INPP4B: variants seen among roughly 807,000 people sequenced by gnomAD.
The protein encoded by INPP4B is inositol polyphosphate-4-phosphatase type II B, also known as inositol polyphosphate 4-phosphatase type II.
A neutral mutation model predicts 122.5 loss-of-function variants in INPP4B; 55 were observed. That is an observed-to-expected ratio of 0.45 (90% CI 0.36 to 0.56). The LOEUF (loss-of-function observed/expected upper bound fraction) is 0.56, where lower values mean the gene tolerates loss of function less well. Among genes scored for constraint, INPP4B ranks in the 20% least tolerant of loss-of-function variants. The pLI, the probability that INPP4B is intolerant of heterozygous loss-of-function variation, is 0.00. For synonymous variants in INPP4B, 403 were observed against 388.7 expected, an observed-to-expected ratio of 1.04 and a Z score of -0.43; for missense variants, 1,000 against 1,097.7, an observed-to-expected ratio of 0.91 and a Z score of 1.26.
intron 7 of INPP4B, among the ~76,000 whole-genome samples, chr4:142,381,755 T>C (rs1794177181): frequency 6.6e-6 from 1 of 152,114 alleles, no homozygotes; most frequent in Admixed American, 6.6e-5. Flanking sequence ...ATTATTTTCT[T>C]CTAGAAGGAT....
chr4:142,258,448 T>C (rs1737725459), intron 11 of INPP4B, among the ~76,000 whole-genome samples: 1 of 152,120 alleles, frequency 6.6e-6, no homozygotes, highest in Non-Finnish European at 1.5e-5. Flanking sequence ...TTTCGCAACC[T>C]ACTCATCTGA....
chr4:142,796,032 AT>A (rs1478272079), intron 1 of INPP4B, among the ~76,000 whole-genome samples: 1 of 151,986 alleles, frequency 6.6e-6, no homozygotes, highest in Non-Finnish European at 1.5e-5. Flanking sequence ...TTTTACATCC[AT>A]TCCTCCTAAA....
At chr4:142,434,116 T>G (rs886893917) in intron 3 of INPP4B, among the ~76,000 whole-genome samples, 6 of 152,126 alleles carry the variant, frequency 3.9e-5, no homozygotes, top group African/African-American at 1.4e-4. Flanking sequence ...TATTTTTTAG[T>G]CCAGTGTAAA....
intron 7 of INPP4B, among the ~76,000 whole-genome samples, chr4:142,343,302 G>C (rs985050067): frequency 2.1e-4 from 32 of 151,840 alleles, no homozygotes; most frequent in Non-Finnish European, 2.9e-4. Context: ...AAATTACCAG[G>C]GGTCTCAAGG....
intron 17 of INPP4B, among the ~76,000 whole-genome samples, chr4:142,149,372 T>C (rs1042143931): frequency 2.6e-5 from 4 of 152,206 alleles, no homozygotes; most frequent in East Asian, 1.9e-4. Flanking sequence ...ATAAGGTTAC[T>C]GTTATTGACT....
chr4:142,649,523 C>A (rs931242772), intron 2 of INPP4B, among the ~76,000 whole-genome samples: 5 of 151,786 alleles, frequency 3.3e-5, no homozygotes, highest in African/African-American at 4.8e-5. Context: ...TAGAGAAGAC[C>A]TTAAATGGAG....
intron 21 of INPP4B, among the ~76,000 whole-genome samples, chr4:142,114,145 T>C (rs973202542): frequency 7.2e-5 from 11 of 152,082 alleles, no homozygotes; most frequent in Non-Finnish European, 1.3e-4. Flanking sequence ...ATCAGTAGCT[T>C]GTTCCTTTTA....
At chr4:142,667,573 G>A (rs903414293) in intron 2 of INPP4B, among the ~76,000 whole-genome samples, 6 of 152,158 alleles carry the variant, frequency 3.9e-5, no homozygotes, top group Non-Finnish European at 7.4e-5. Flanking sequence ...CTCTAAGCCT[G>A]TGTCTCCATC....
At chr4:142,816,536 AGG>A (rs1780137275) in intron 1 of INPP4B, among the ~76,000 whole-genome samples, 1 of 152,118 alleles carries the variant, frequency 6.6e-6, no homozygotes, top group South Asian at 2.1e-4. Context: ...CTAGGGCAAC[AGG>A]CTTAAATTAT....
chr4:142,741,161 G>A (rs1250238026), intron 1 of INPP4B, among the ~76,000 whole-genome samples: 4 of 151,980 alleles, frequency 2.6e-5, no homozygotes, highest in Admixed American at 6.6e-5. Flanking sequence ...TTGTTATACA[G>A]GAATACCTGA....
intron 16 of INPP4B, among the ~76,000 whole-genome samples, chr4:142,164,530 C>T (rs1374479274): frequency 6.6e-6 from 1 of 151,718 alleles, no homozygotes; most frequent in Non-Finnish European, 1.5e-5. Context: ...TTTCAACATT[C>T]CCTAAAGGAA....
chr4:142,477,069 C>A (rs187605132), intron 2 of INPP4B, among the ~76,000 whole-genome samples: 56 of 152,226 alleles, frequency 3.7e-4, no homozygotes, highest in African/African-American at 1.1e-3. Flanking sequence ...TCAGCAAATT[C>A]AAAGACAGTG....
intron 25 of INPP4B, among the ~76,000 whole-genome samples, chr4:142,058,774 T>G: frequency 6.6e-6 from 1 of 152,186 alleles, no homozygotes; most frequent in East Asian, 1.9e-4. Context: ...TTATCTGTTG[T>G]AAGATGTCTA....
intron 5 of INPP4B, among the ~76,000 whole-genome samples, chr4:142,405,835 C>G (rs931996948): frequency 2.0e-5 from 3 of 151,978 alleles, no homozygotes; most frequent in Non-Finnish European, 4.4e-5. Context: ...AGAGCAGTTT[C>G]TCAACCACAA....
At chr4:142,601,443 C>A (rs537713393) in intron 2 of INPP4B, among the ~76,000 whole-genome samples, 348 of 151,788 alleles carry the variant, frequency 2.3e-3, no homozygotes, top group African/African-American at 7.7e-3. Flanking sequence ...ACAACATGCT[C>A]CTGAACAACT....
At chr4:142,487,841 C>T (rs913002471) in intron 2 of INPP4B, among the ~76,000 whole-genome samples, 1 of 152,072 alleles carries the variant, frequency 6.6e-6, no homozygotes, top group African/African-American at 2.4e-5. Flanking sequence ...TCAAGATTTT[C>T]TGCAAACACA....
At chr4:142,180,453 C>T (rs1462725229) in intron 15 of INPP4B, among the ~76,000 whole-genome samples, 1 of 152,140 alleles carries the variant, frequency 6.6e-6, no homozygotes, top group Non-Finnish European at 1.5e-5. Context: ...TAAATCTCCT[C>T]CTCTATCACT....
intron 7 of INPP4B, among the ~76,000 whole-genome samples, chr4:142,325,651 A>G (rs1427859363): frequency 2.0e-5 from 3 of 152,210 alleles, no homozygotes; most frequent in African/African-American, 7.2e-5. Context: ...CTCTAACCTT[A>G]GATGTTTTCC....
chr4:142,771,654 C>T (rs1032474388), intron 1 of INPP4B, among the ~76,000 whole-genome samples: 8 of 152,008 alleles, frequency 5.3e-5, no homozygotes, highest in African/African-American at 1.9e-4. Context: ...TTGGCCTGAG[C>T]GGTACTGCAG....
Sources: gnomAD v4.1 joint callset for allele counts (sites outside exome capture counted in the v4.1 genomes callset) on GRCh38, gnomAD v4.1.1 for gene constraint, MANE v1.5 for transcripts, NCBI Gene and HGNC (gene_info 2026-07-23, HGNC 2026-07-21) for gene names.